Variants in KRABD5 observed in about 807,000 individuals in gnomAD.
KRABD5 encodes the protein KRAB domain-containing protein 5.
the KRABD5 span, chr16:31,754,244 A>G: frequency 1.5e-6 from 1 of 647,266 alleles, no homozygotes; most frequent in South Asian, 1.7e-5. Flanking sequence ...AATATGATCA[A>G]TTTGATGGAT....
At chr16:31,747,031 G>A in the KRABD5 span, among the ~76,000 whole-genome samples, 3 of 150,984 alleles carry the variant, frequency 2.0e-5, no homozygotes, top group East Asian at 2.0e-4. Flanking sequence ...GGGTACATGT[G>A]CACAATGTGC....
the KRABD5 span, among the ~76,000 whole-genome samples, chr16:31,751,792 ATTC>A: frequency 1.3e-5 from 2 of 152,084 alleles, no homozygotes; most frequent in Non-Finnish European, 2.9e-5. Context: ...AGTTATTTCT[ATTC>A]TTCTACATTT....
chr16:31,755,228 T>C, the KRABD5 span: 4 of 476,890 alleles, frequency 8.4e-6, no homozygotes, highest in African/African-American at 2.0e-5. Flanking sequence ...ATGTAAATCA[T>C]GTAGCAAATC....
chr16:31,727,727 G>T, the KRABD5 span, among the ~76,000 whole-genome samples: 9 of 151,846 alleles, frequency 5.9e-5, no homozygotes, highest in Admixed American at 1.3e-4. Context: ...ATTTAATCTT[G>T]GTGAGTCATT....
chr16:31,749,150 T>C, the KRABD5 span, among the ~76,000 whole-genome samples: 1 of 152,158 alleles, frequency 6.6e-6, no homozygotes, highest in African/African-American at 2.4e-5. Context: ...TCCCTGAACC[T>C]CTGGCTGGAG....
At chr16:31,735,426 C>A in the KRABD5 span, among the ~76,000 whole-genome samples, 18 of 152,064 alleles carry the variant, frequency 1.2e-4, no homozygotes, top group Non-Finnish European at 2.1e-4. Flanking sequence ...TGGATATATA[C>A]CCAATAGTGG....
At chr16:31,714,538 T>C in the KRABD5 span, 5 of 394,056 alleles carry the variant, frequency 1.3e-5, no homozygotes, top group Admixed American at 1.6e-4. Flanking sequence ...GCTGATGAGA[T>C]GGGAAGAAGG....
At chr16:31,747,984 C>G in the KRABD5 span, among the ~76,000 whole-genome samples, 2 of 152,142 alleles carry the variant, frequency 1.3e-5, no homozygotes, top group South Asian at 2.1e-4. Flanking sequence ...TGCAGAAGCT[C>G]TTTAGTTTAA....
the KRABD5 span, among the ~76,000 whole-genome samples, chr16:31,719,388 G>A: frequency 6.6e-6 from 1 of 152,174 alleles, no homozygotes; most frequent in Non-Finnish European, 1.5e-5. Context: ...CTTGTTAATG[G>A]ATTTACAAAA....
the KRABD5 span, among the ~76,000 whole-genome samples, chr16:31,714,138 T>C: frequency 6.6e-6 from 1 of 152,256 alleles, no homozygotes; most frequent in Admixed American, 6.5e-5. Context: ...GCTATCTGGA[T>C]GTCCGACTTT....
chr16:31,749,892 G>A, the KRABD5 span, among the ~76,000 whole-genome samples: 1 of 152,050 alleles, frequency 6.6e-6, no homozygotes, highest in South Asian at 2.1e-4. Context: ...TATTGGCCCC[G>A]CCCCTGTGTG....
the KRABD5 span, chr16:31,756,658 A>T: frequency 6.6e-6 from 1 of 152,302 alleles, no homozygotes; most frequent in Non-Finnish European, 1.5e-5. Flanking sequence ...AATAAAGATT[A>T]TATGGGGGTA....
At chr16:31,723,010 A>G in the KRABD5 span, among the ~76,000 whole-genome samples, 6 of 152,346 alleles carry the variant, frequency 3.9e-5, no homozygotes, top group East Asian at 7.7e-4. Flanking sequence ...GACATAAACT[A>G]TCATTGCCCA....
At chr16:31,726,852 A>T in the KRABD5 span, among the ~76,000 whole-genome samples, 1 of 152,226 alleles carries the variant, frequency 6.6e-6, no homozygotes, top group South Asian at 2.1e-4. Context: ...ATTACACTGT[A>T]TCTGTAGATC....
chr16:31,740,675 TC>T, the KRABD5 span, among the ~76,000 whole-genome samples: 1 of 151,684 alleles, frequency 6.6e-6, no homozygotes, highest in Non-Finnish European at 1.5e-5. Flanking sequence ...GTGCCTGTAG[TC>T]CCAGTGACTC....
the KRABD5 span, chr16:31,754,235 A>G: frequency 3.1e-6 from 2 of 653,750 alleles, no homozygotes; most frequent in Non-Finnish European, 5.4e-6. Context: ...TGATTTCTAA[A>G]TATGATCAAT....
chr16:31,721,297 G>GGC, the KRABD5 span, among the ~76,000 whole-genome samples: 1 of 152,048 alleles, frequency 6.6e-6, no homozygotes, highest in South Asian at 2.1e-4. Context: ...ATGTGCGTGT[G>GGC]ACATAAGCAT....
At chr16:31,747,376 A>T in the KRABD5 span, among the ~76,000 whole-genome samples, 15 of 151,860 alleles carry the variant, frequency 9.9e-5, no homozygotes, top group Non-Finnish European at 2.2e-4. Flanking sequence ...CATTTTCTTA[A>T]TCCAGTCTAT....
chr16:31,723,315 G>A, the KRABD5 span: 1 of 1,613,954 alleles, frequency 6.2e-7, no homozygotes, highest in Non-Finnish European at 8.5e-7. Flanking sequence ...AAAGAGCCCT[G>A]GAATGTGAAG....
Sources: allele counts gnomAD v4.1 joint callset (sites outside exome capture counted in the v4.1 genomes callset), GRCh38; gene constraint gnomAD v4.1.1; transcripts MANE v1.5; gene names NCBI Gene and HGNC (gene_info 2026-07-23, HGNC 2026-07-21).